OXR1: variants seen among roughly 807,000 people sequenced by gnomAD.
OXR1 encodes the protein oxidation resistance protein 1.
OXR1 carries 41 observed loss-of-function variants against 104.6 expected under a neutral mutation model. That is an observed-to-expected ratio of 0.39 (90% CI 0.31 to 0.51). OXR1 has a LOEUF of 0.51. OXR1 is among the 20% of genes least tolerant of loss of function. OXR1 has a pLI of 0.77. For missense variants in OXR1, 955 were observed against 1,031.9 expected, an observed-to-expected ratio of 0.93 and a Z score of 1.02; for synonymous variants, 348 against 348.4, an observed-to-expected ratio of 1.00 and a Z score of 0.01.
At chr8:106,391,947 G>C (rs1046812560) in intron 2 of OXR1, among the ~76,000 whole-genome samples, 5 of 152,118 alleles carry the variant, frequency 3.3e-5, no homozygotes, top group Non-Finnish European at 5.9e-5. Flanking sequence ...GACACCAGCT[G>C]GGATTGTTAT....
intron 2 of OXR1, among the ~76,000 whole-genome samples, chr8:106,481,567 C>T (rs1284130752): frequency 1.3e-5 from 2 of 151,974 alleles, no homozygotes; most frequent in South Asian, 4.2e-4. Flanking sequence ...CATCTTTAAG[C>T]TAGAGAGCCC....
chr8:106,410,529 G>A (rs1818419722), intron 2 of OXR1, among the ~76,000 whole-genome samples: 1 of 152,136 alleles, frequency 6.6e-6, no homozygotes, highest in African/African-American at 2.4e-5. Context: ...CCTTTAGAAG[G>A]CAGTAGACTT....
At chr8:106,623,168 A>G (rs1211209202) in intron 3 of OXR1, among the ~76,000 whole-genome samples, 1 of 152,186 alleles carries the variant, frequency 6.6e-6, no homozygotes, top group Admixed American at 6.5e-5. Flanking sequence ...TTTCTTCAAT[A>G]TGGGTTCCAT....
At chr8:106,558,154 T>C (rs1248085436) in intron 3 of OXR1, among the ~76,000 whole-genome samples, 1 of 152,204 alleles carries the variant, frequency 6.6e-6, no homozygotes, top group Admixed American at 6.5e-5. Flanking sequence ...ACTGTGAGAA[T>C]CACATGAGTA....
intron 1 of OXR1, chr8:106,272,519 A>G (rs1407139547): frequency 6.6e-6 from 1 of 152,240 alleles, no homozygotes; most frequent in African/African-American, 2.4e-5. Context: ...GAAGATTCAG[A>G]TGAAGGGAAA....
In OXR1 at chr8:106,357,096, A is replaced by G. The variant is rs545168757; in HGVS notation, c.-138-2380A>G. ...GTAATTTAGTAAAAGCAATTTGATTAGGTATGAAAATAACAACATCCAGAT... is the reference window on the plus strand; with the variant it reads ...GTAATTTAGTAAAAGCAATTTGATTGGGTATGAAAATAACAACATCCAGAT... On this transcript the variant is annotated intron_variant, in intron 1 of 16. Transcript: ENST00000517566. Among the ~76,000 whole-genome samples the G allele has an allele frequency of 5.3e-5, 8 of 152,236 alleles. No homozygotes were observed. In the East Asian group the frequency reaches 9.6e-4, roughly 18 times the overall value.
At chr8:106,403,627 AT>A (rs1322162170) in intron 2 of OXR1, among the ~76,000 whole-genome samples, 1 of 152,062 alleles carries the variant, frequency 6.6e-6, no homozygotes. Context: ...GAGCCTTTGA[AT>A]TTTTTCCTCT....
At chr8:106,464,827 C>A (rs1194876505) in intron 2 of OXR1, among the ~76,000 whole-genome samples, 2 of 152,024 alleles carry the variant, frequency 1.3e-5, no homozygotes, top group African/African-American at 2.4e-5. Context: ...CATGGACTGT[C>A]ATCTCTTATC....
chr8:106,683,350 CAGAA>C, intron 5 of OXR1, 44 bp downstream of exon 5: 1 of 862,990 alleles, frequency 1.2e-6, no homozygotes, highest in Non-Finnish European at 2.0e-6. Context: ...AAACATTAAA[CAGAA>C]AGGCAGAAAG....
chr8:106,726,903 G>A (rs1833399618), intron 11 of OXR1, among the ~76,000 whole-genome samples: 1 of 152,020 alleles, frequency 6.6e-6, no homozygotes, highest in Non-Finnish European at 1.5e-5. Context: ...ATTGTCCATT[G>A]CTCTTTCTGT....
At chr8:106,449,453 T>C (rs532402005) in intron 2 of OXR1, among the ~76,000 whole-genome samples, 2 of 152,220 alleles carry the variant, frequency 1.3e-5, no homozygotes, top group African/African-American at 4.8e-5. Context: ...TATTGTTGAA[T>C]GTAGGCTACA....
intron 1 of OXR1, among the ~76,000 whole-genome samples, chr8:106,292,505 A>C (rs1375242110): frequency 6.6e-6 from 1 of 152,222 alleles, no homozygotes; most frequent in African/African-American, 2.4e-5. Context: ...GAAACCATGA[A>C]TAGAAAGATG....
intron 2 of OXR1, among the ~76,000 whole-genome samples, chr8:106,363,469 T>C (rs534510143): frequency 5.9e-5 from 9 of 151,874 alleles, no homozygotes; most frequent in Non-Finnish European, 1.3e-4. Context: ...AAAAATTATA[T>C]AGCAGAAACT....
intron 1 of OXR1, among the ~76,000 whole-genome samples, chr8:106,289,430 A>G (rs1172959855): frequency 6.6e-6 from 1 of 152,184 alleles, no homozygotes; most frequent in Non-Finnish European, 1.5e-5. Flanking sequence ...CAAAGAAAGG[A>G]AATACTTAGG....
chr8:106,307,462 T>TAA (rs1459678271), intron 1 of OXR1, among the ~76,000 whole-genome samples: 1 of 152,192 alleles, frequency 6.6e-6, no homozygotes, highest in African/African-American at 2.4e-5. Flanking sequence ...GAATGTGTCT[T>TAA]ACTCTGTTTC....
In OXR1 at chr8:106,405,141, CATATATATATATATATAT is replaced by C. The variant is rs143485889; in HGVS notation, c.23+45549_23+45566del. On this transcript the variant is annotated intron_variant, in intron 2 of 16. Coordinates refer to ENST00000517566, the MANE Select transcript of OXR1 (RefSeq NM_001198533.2). Reference sequence around the variant, plus strand: ...GATTAGAGAGCCAATTCAGAAACCACATATATATATATATATATATATATATATATATATATATATATA... The same window carrying C: ...GATTAGAGAGCCAATTCAGAAACCACATATATATATATATATATATATATA... 7.9e-3 allele frequency among the ~76,000 whole-genome samples: 626 copies of C among 79,642 alleles called. 13 individuals are homozygous for C. The highest frequency in any genetic ancestry group is 0.014 in the East Asian group (38 of 2,676). 52.2% of individuals were successfully genotyped at this position (79,642 alleles called of 152,430 possible).
Position 106,545,890 on chromosome 8 carries a change from G to A in OXR1, c.220+26751G>A, listed in dbSNP as rs186006039. Among the ~76,000 whole-genome samples the A allele has an allele frequency of 3.9e-3, 597 of 151,966 alleles. 3 individuals carry two copies. Among genetic ancestry groups the A allele is most frequent in the African/African-American group, 0.014 (577 of 41,426 alleles). On this transcript the variant is annotated intron_variant, in intron 3 of 16. Coordinates refer to ENST00000517566, the MANE Select transcript of OXR1 (RefSeq NM_001198533.2). ...GCACAGCTGTAGTCCCTGCTACTCC[G>A]GAGGCTAAGGCAGGAGAATTGCTTG...
intron 11 of OXR1, among the ~76,000 whole-genome samples, chr8:106,731,256 T>G (rs756168412): frequency 6.6e-6 from 1 of 152,230 alleles, no homozygotes; most frequent in Non-Finnish European, 1.5e-5. Flanking sequence ...AACATAGAGA[T>G]AGAACAGACC....
chr8:106,698,672 A>G (rs1400682977), intron 7 of OXR1, among the ~76,000 whole-genome samples: 1 of 151,946 alleles, frequency 6.6e-6, no homozygotes, highest in Non-Finnish European at 1.5e-5. Context: ...TCTTAATCCT[A>G]TCCAGCATAT....
Sources: allele counts gnomAD v4.1 joint callset (sites outside exome capture counted in the v4.1 genomes callset), GRCh38; gene constraint gnomAD v4.1.1; transcripts MANE v1.5; gene names NCBI Gene and HGNC (gene_info 2026-07-23, HGNC 2026-07-21).